OTOG: variants seen among roughly 807,000 people sequenced by gnomAD.
OTOG encodes the protein otogelin.
In OTOG, 296 loss-of-function variants were observed where a neutral mutation model predicts 313.8. That is an observed-to-expected ratio of 0.94 (90% CI 0.86 to 1.04). The LOEUF is 1.04. Ranked by LOEUF, OTOG falls within the 50% of genes least tolerant of loss-of-function variation. The pLI is 0.00. For missense variants in OTOG, 3,948 were observed against 3,840.1 expected, an observed-to-expected ratio of 1.03 and a Z score of -0.74; for synonymous variants, 1,533 against 1,554.9, an observed-to-expected ratio of 0.99 and a Z score of 0.33.
At chr11:17,613,199 CTTT>C (rs1853618621) in intron 38 of OTOG, among the ~76,000 whole-genome samples, 2 of 57,248 alleles carry the variant, frequency 3.5e-5, no homozygotes, top group East Asian at 5.2e-4. Context: ...TCTTTCTTTT[CTTT>C]CTTTCTTTCT....
chr11:17,552,022 T>C lies in OTOG; in HGVS notation c.239T>C (p.Val80Ala). 6.4e-7 allele frequency: 1 copy of C among 1,550,518 alleles called. No homozygotes were observed. Among genetic ancestry groups the C allele is most frequent in the Non-Finnish European group, 8.7e-7 (1 of 1,146,920 alleles). Residue 80 changes from valine to alanine, a missense_variant, in exon 4 of 56, where the codon GTG becomes GCG. Transcript: ENST00000399397. ...AAGCAGGCTGAAGCCCCAGACTCCGTGGCCATGTCTTCCTGGGAAAGGCGG... is the reference window on the plus strand; with the variant it reads ...AAGCAGGCTGAAGCCCCAGACTCCGCGGCCATGTCTTCCTGGGAAAGGCGG... ...GGQQAEAPDS[V>A]AMSSWERRLH...
chr11:17,580,545 G>C (rs74595056), intron 23 of OTOG, among the ~76,000 whole-genome samples: 1,594 of 152,334 alleles, frequency 0.01, 32 homozygotes, highest in African/African-American at 0.037. Flanking sequence ...TCTTCCCCAT[G>C]ATGGGCACAC....
chr11:17,638,607 G>A (rs769999887), intron 48 of OTOG, 58 bp downstream of exon 48: 31 of 1,519,368 alleles, frequency 2.0e-5, no homozygotes, highest in Non-Finnish European at 2.6e-5. Flanking sequence ...CTGCTGAGGA[G>A]GGATTGAGGG....
chr11:17,611,916 C>A (rs1853560308), intron 36 of OTOG, among the ~76,000 whole-genome samples: 1 of 152,086 alleles, frequency 6.6e-6, no homozygotes, highest in African/African-American at 2.4e-5. Flanking sequence ...GTACCCAGAC[C>A]TCTCAGCGCA....
chr11:17,583,236 G>A (rs1376073617), intron 23 of OTOG, among the ~76,000 whole-genome samples: 1 of 152,120 alleles, frequency 6.6e-6, no homozygotes, highest in Admixed American at 6.5e-5. Context: ...CTTAGCTCAA[G>A]CGATTCTCCC....
At position 17,639,438 on chromosome 11, in the gene OTOG, C is replaced by T. The variant is rs374292017; in HGVS notation, c.7910C>T (p.Thr2637Ile). The T allele has an allele frequency of 1.3e-6, 2 of 1,550,760 alleles. No homozygotes were observed. The highest frequency in any genetic ancestry group is 1.7e-6 in the Non-Finnish European group (2 of 1,147,028). The change falls in exon 49 of 56, where the codon ACA becomes ATA. Residue 2637 changes from threonine to isoleucine, a missense_variant. Physicochemically the swap from Thr to Ile is moderately conservative, Grantham distance 89. Coordinates refer to ENST00000399397, the MANE Select transcript of OTOG (RefSeq NM_001292063.2). ...PYKSCECDCD[T>I]IPVPRCHLWE... ...TGTTTTTCAGAATGTGACTGTGACACAATCCCGGTGCCCCGGTGCCATCTG... is the reference window on the plus strand; with the variant it reads ...TGTTTTTCAGAATGTGACTGTGACATAATCCCGGTGCCCCGGTGCCATCTG...
Position 17,609,747 on chromosome 11 carries a change from C to A in OTOG, c.4447C>A (p.Pro1483Thr), listed in dbSNP as rs1440739756. The change falls in exon 36 of 56, where the codon CCA becomes ACA. Residue 1483 changes from proline (P) to threonine (T), a missense_variant. By Grantham distance (38) the Pro-to-Thr change is conservative. Transcript: ENST00000399397. ...QGLPTPSDEE[P>T]QLSQESPRTP... The stretch of plus-strand genomic sequence containing the variant: ...GTTGCCCACTCCCAGTGATGAGGAG[C>A]CACAGCTGTCACAGGAAAGCCCCAG... 6.5e-7 allele frequency: 1 copy of A among 1,548,524 alleles called. No individual in the cohort carries two copies. The highest frequency in any genetic ancestry group is 8.7e-7 in the Non-Finnish European group (1 of 1,145,982).
At chr11:17,558,074 T>C in intron 8 of OTOG, 111 bp from the exon 9 acceptor site, 10 of 1,349,832 alleles carry the variant, frequency 7.4e-6, no homozygotes, top group Non-Finnish European at 9.9e-6. Flanking sequence ...GACCGGATTC[T>C]TCAAAACTCC....
chr11:17,569,989 C>T (rs1852368880), intron 16 of OTOG, among the ~76,000 whole-genome samples: 1 of 152,170 alleles, frequency 6.6e-6, no homozygotes, highest in African/African-American at 2.4e-5. Flanking sequence ...TTTCTTAGCC[C>T]AGGCTGCAGT....
intron 33 of OTOG, 64 bp downstream of exon 33, chr11:17,606,199 C>T (rs1853385465): frequency 6.9e-7 from 1 of 1,456,216 alleles, no homozygotes; most frequent in African/African-American, 1.4e-5. Flanking sequence ...TCTTCCCACC[C>T]TGTCCCCACT....
intron 3 of OTOG, among the ~76,000 whole-genome samples, chr11:17,548,935 T>G (rs1181220695): frequency 6.6e-6 from 1 of 152,056 alleles, no homozygotes; most frequent in Non-Finnish European, 1.5e-5. Flanking sequence ...CCCAGGCTGG[T>G]CTTGAACTCC....
intron 3 of OTOG, 129 bp downstream of exon 3, chr11:17,548,341 C>G (rs1204075687): frequency 4.5e-6 from 3 of 659,660 alleles, no homozygotes; most frequent in Admixed American, 3.3e-5. Context: ...CAAGCAGATT[C>G]CTGGTATGTG....
chr11:17,627,639 T>C (rs181487173), intron 39 of OTOG, among the ~76,000 whole-genome samples: 22 of 152,244 alleles, frequency 1.4e-4, no homozygotes, highest in African/African-American at 5.1e-4. Flanking sequence ...CCTTCTCTAA[T>C]AGTGTGAGTA....
chr11:17,591,623 A>G, intron 25 of OTOG, 35 bp downstream of exon 25: 1 of 1,548,894 alleles, frequency 6.5e-7, no homozygotes. Flanking sequence ...AGTTGGCTCC[A>G]TGCACAGCTG....
intron 47 of OTOG, among the ~76,000 whole-genome samples, chr11:17,636,838 A>G (rs955428952): frequency 6.6e-6 from 1 of 152,094 alleles, no homozygotes; most frequent in African/African-American, 2.4e-5. Context: ...TGTGCAGCCC[A>G]GGGCAAGTTC....
At chr11:17,619,382 A>G (rs945624542) in intron 39 of OTOG, among the ~76,000 whole-genome samples, 1 of 152,236 alleles carries the variant, frequency 6.6e-6, no homozygotes, top group Non-Finnish European at 1.5e-5. Context: ...GGGGATGTTT[A>G]TACCATTTAT....
At chr11:17,619,104 A>AAT (rs1042531362) in intron 39 of OTOG, among the ~76,000 whole-genome samples, 6 of 152,190 alleles carry the variant, frequency 3.9e-5, no homozygotes, top group Admixed American at 3.3e-4. Context: ...CCCTACTAAA[A>AAT]ATATATATAT....
intron 6 of OTOG, among the ~76,000 whole-genome samples, chr11:17,553,787 C>T (rs1486393723): frequency 6.6e-6 from 1 of 152,224 alleles, no homozygotes; most frequent in Non-Finnish European, 1.5e-5. Context: ...GGCATAAGGT[C>T]TGGTGGCGGG....
intron 39 of OTOG, among the ~76,000 whole-genome samples, chr11:17,614,615 T>C (rs1407176241): frequency 1.3e-5 from 2 of 152,152 alleles, no homozygotes; most frequent in Non-Finnish European, 2.9e-5. Flanking sequence ...CCCCTCCTGC[T>C]GACAACCATT....
Sources: gnomAD v4.1 joint callset for allele counts (sites outside exome capture counted in the v4.1 genomes callset) on GRCh38, gnomAD v4.1.1 for gene constraint, MANE v1.5 for transcripts, NCBI Gene and HGNC (gene_info 2026-07-23, HGNC 2026-07-21) for gene names.